KLHL2: variants seen among roughly 807,000 people sequenced by gnomAD.
KLHL2 encodes the protein kelch-like protein 2.
A neutral mutation model predicts 75.8 loss-of-function variants in KLHL2; 15 were observed. The observed-to-expected ratio is 0.20, with a 90% CI of 0.13 to 0.30. KLHL2 has a LOEUF of 0.30. Among genes scored for constraint, KLHL2 ranks in the 10% least tolerant of loss-of-function variants. The pLI, the probability that KLHL2 is intolerant of heterozygous loss-of-function variation, is 1.00. For synonymous variants in KLHL2, 214 were observed against 251.9 expected (o/e 0.85, Z 1.42); for missense variants, 381 against 741.0 (o/e 0.51, Z 5.64).
chr4:165,303,501 CCG>C (rs1560822167), intron 8 of KLHL2, among the ~76,000 whole-genome samples: 1 of 146,948 alleles, frequency 6.8e-6, no homozygotes, highest in Non-Finnish European at 1.5e-5. Flanking sequence ...CTTGCCCCCC[CCG>C]CCGTTTTTGG....
chr4:165,289,655 A>G (rs1350646481), intron 5 of KLHL2, among the ~76,000 whole-genome samples: 1 of 152,076 alleles, frequency 6.6e-6, no homozygotes, highest in Non-Finnish European at 1.5e-5. Context: ...AGAATACACA[A>G]TGAATTTAGA....
At chr4:165,278,414 A>G (rs1301376704) in intron 5 of KLHL2, 3 of 1,403,140 alleles carry the variant, frequency 2.1e-6, no homozygotes, top group South Asian at 1.2e-5. Context: ...GTCTCGATTC[A>G]TGGCATCCAA....
intron 4 of KLHL2, among the ~76,000 whole-genome samples, chr4:165,243,256 CT>C (rs1315391664): frequency 5.3e-5 from 8 of 152,344 alleles, no homozygotes; most frequent in African/African-American, 1.9e-4. Context: ...ATGAGTTTGA[CT>C]TCTCCGCCTT....
intron 2 of KLHL2, among the ~76,000 whole-genome samples, chr4:165,222,379 T>C (rs1382489768): frequency 6.6e-6 from 1 of 152,078 alleles, no homozygotes; most frequent in Non-Finnish European, 1.5e-5. Flanking sequence ...CATTCATCTG[T>C]TTGCCCCTTT....
chr4:165,304,500 T>C (rs1027319992), intron 8 of KLHL2, among the ~76,000 whole-genome samples: 1 of 152,230 alleles, frequency 6.6e-6, no homozygotes, highest in African/African-American at 2.4e-5. Context: ...TCTCTTCTTT[T>C]CCTGAAGGTC....
At chr4:165,254,046 C>A (rs1740958561) in intron 4 of KLHL2, among the ~76,000 whole-genome samples, 1 of 152,350 alleles carries the variant, frequency 6.6e-6, no homozygotes, top group East Asian at 1.9e-4. Flanking sequence ...AGAACACTTT[C>A]TTTACTCTGT....
chr4:165,303,214 CTT>C (rs1296831913), intron 8 of KLHL2, among the ~76,000 whole-genome samples: 1 of 152,068 alleles, frequency 6.6e-6, no homozygotes, highest in Non-Finnish European at 1.5e-5. Context: ...CACAGTTTTC[CTT>C]TTCATCTTCA....
intron 4 of KLHL2, among the ~76,000 whole-genome samples, chr4:165,254,853 A>G (rs1388357787): frequency 3.3e-5 from 5 of 152,212 alleles, no homozygotes; most frequent in Non-Finnish European, 5.9e-5. Flanking sequence ...GAAGCTACCT[A>G]TATTGTGAAT....
At position 165,238,692 on chromosome 4, in the gene KLHL2, CAAG is replaced by C. The variant is rs1342897578; in HGVS notation, c.260-81_260-79del. On this transcript the variant is annotated intron_variant, in intron 3 of 14. Transcript: ENST00000226725. Reference sequence around the variant, plus strand: ...GCTGCCTGTTGAATACAGTGAGTGGCAAGAAGATGTATCAATCTACATTGGCAT... The same window carrying C: ...GCTGCCTGTTGAATACAGTGAGTGGCAAGATGTATCAATCTACATTGGCAT... 8.8e-6 allele frequency: 14 copies of C among 1,586,978 alleles called. No homozygotes were observed. The Admixed American group carries it at 2.7e-4, about 30-fold the overall frequency.
chr4:165,321,320 A>G (rs769714151), intron 14 of KLHL2: 2 of 455,986 alleles, frequency 4.4e-6, no homozygotes, highest in Non-Finnish European at 8.8e-6. Context: ...AGCCTGCTCA[A>G]TGTGAAGAGA....
intron 3 of KLHL2, among the ~76,000 whole-genome samples, chr4:165,238,317 A>G (rs112331869): frequency 0.22 from 32,939 of 152,030 alleles, 4,026 homozygotes; most frequent in Non-Finnish European, 0.29. Flanking sequence ...GGTGCAGGCT[A>G]TGCATGCCCC....
intron 13 of KLHL2, among the ~76,000 whole-genome samples, chr4:165,315,929 A>T (rs889541171): frequency 7.9e-5 from 12 of 152,354 alleles, no homozygotes; most frequent in African/African-American, 2.9e-4. Flanking sequence ...AGTGGAGTAA[A>T]AATGAAATAA....
chr4:165,219,587 C>T (rs1737824593), intron 1 of KLHL2: 1 of 631,342 alleles, frequency 1.6e-6, no homozygotes, highest in South Asian at 5.2e-5. Context: ...TAACGTATGA[C>T]TATAGAAGTT....
intron 3 of KLHL2, among the ~76,000 whole-genome samples, chr4:165,238,174 G>A (rs3817246): frequency 0.44 from 66,618 of 152,030 alleles, 15,605 homozygotes; most frequent in African/African-American, 0.6. Flanking sequence ...AAGCTTTGTT[G>A]TTGACTAACT....
intron 9 of KLHL2, among the ~76,000 whole-genome samples, chr4:165,309,709 C>T (rs1746004159): frequency 6.6e-6 from 1 of 152,036 alleles, no homozygotes; most frequent in South Asian, 2.1e-4. Flanking sequence ...GGTTGTTTTT[C>T]AGCCATTTAA....
chr4:165,304,510 C>T (rs1745584760), intron 8 of KLHL2, among the ~76,000 whole-genome samples: 1 of 152,066 alleles, frequency 6.6e-6, no homozygotes, highest in Non-Finnish European at 1.5e-5. Context: ...TCCTGAAGGT[C>T]CTTGCCATTC....
intron 5 of KLHL2, among the ~76,000 whole-genome samples, chr4:165,288,974 A>G (rs891270111): frequency 6.6e-6 from 1 of 152,158 alleles, no homozygotes; most frequent in Non-Finnish European, 1.5e-5. Flanking sequence ...ACAGACTAAT[A>G]GTGATTGGCA....
chr4:165,260,214 C>CA (rs1741536617), intron 4 of KLHL2, among the ~76,000 whole-genome samples: 1 of 152,080 alleles, frequency 6.6e-6, no homozygotes, highest in Non-Finnish European at 1.5e-5. Flanking sequence ...AGTAAAACTA[C>CA]ATCATAAAAC....
intron 1 of KLHL2, among the ~76,000 whole-genome samples, chr4:165,212,283 A>G (rs1283308893): frequency 6.6e-6 from 1 of 152,158 alleles, no homozygotes; most frequent in Non-Finnish European, 1.5e-5. Flanking sequence ...AAGGGTAGAG[A>G]ATAATAAGAA....
Sources: allele counts gnomAD v4.1 joint callset (sites outside exome capture counted in the v4.1 genomes callset), GRCh38; gene constraint gnomAD v4.1.1; transcripts MANE v1.5; gene names NCBI Gene and HGNC (gene_info 2026-07-23, HGNC 2026-07-21).